RYR2: variants seen among roughly 807,000 people sequenced by gnomAD.
The protein encoded by RYR2 is ryanodine receptor 2, also known as cardiac muscle ryanodine receptor-calcium release channel.
Under a neutral mutation model 601.1 loss-of-function variants are expected in RYR2, and 227 were observed. That is an observed-to-expected ratio of 0.38 (90% CI 0.34 to 0.42). The LOEUF (loss-of-function observed/expected upper bound fraction) is 0.42, where lower values mean the gene tolerates loss of function less well. RYR2 is among the 10% of genes least tolerant of loss of function. The pLI, the probability that RYR2 is intolerant of heterozygous loss-of-function variation, is 1.00. For missense variants in RYR2, 4,646 were observed against 6,156.5 expected, an observed-to-expected ratio of 0.75 and a Z score of 8.21; for synonymous variants, 2,223 against 2,175.1, an observed-to-expected ratio of 1.02 and a Z score of -0.61.
intron 1 of RYR2, among the ~76,000 whole-genome samples, chr1:237,097,174 A>G (rs1284309287): frequency 6.6e-6 from 1 of 152,178 alleles, no homozygotes. Context: ...GATCCAAACT[A>G]TGTCCCTTTG....
At chr1:237,509,326 T>C (rs1474440830) in intron 23 of RYR2, among the ~76,000 whole-genome samples, 1 of 152,238 alleles carries the variant, frequency 6.6e-6, no homozygotes, top group Non-Finnish European at 1.5e-5. Context: ...CTTGACCTTG[T>C]GATGTCAATT....
chr1:237,601,948 T>G, intron 34 of RYR2, 77 bp from the exon 35 acceptor site: 2 of 1,203,894 alleles, frequency 1.7e-6, no homozygotes, highest in African/African-American at 1.5e-5. Flanking sequence ...AAGTATTCCT[T>G]TGTTGTTATA....
chr1:237,794,054 TTTGG>T (rs1658790582), intron 95 of RYR2, 57 bp downstream of exon 95: 32 of 1,499,838 alleles, frequency 2.1e-5, no homozygotes, highest in Non-Finnish European at 2.9e-5. Flanking sequence ...CATGAAAATA[TTTGG>T]TTGGAGTTCC....
At chr1:237,824,622 A>G (rs1373840728) in intron 101 of RYR2, among the ~76,000 whole-genome samples, 2 of 152,188 alleles carry the variant, frequency 1.3e-5, no homozygotes, top group African/African-American at 4.8e-5. Flanking sequence ...CTGGCACAAG[A>G]CAAGAATGCC....
chr1:237,465,807 C>A (rs1660025421), intron 16 of RYR2, among the ~76,000 whole-genome samples: 1 of 152,190 alleles, frequency 6.6e-6, no homozygotes, highest in Non-Finnish European at 1.5e-5. Context: ...ATACTGAATA[C>A]TGTAAGCAAT....
chr1:237,359,165 A>C (rs1223914415), intron 4 of RYR2, among the ~76,000 whole-genome samples: 2 of 152,178 alleles, frequency 1.3e-5, no homozygotes, highest in Admixed American at 6.5e-5. Flanking sequence ...AGCCTCCCTT[A>C]AACGGGCTGA....
intron 91 of RYR2, among the ~76,000 whole-genome samples, chr1:237,787,597 C>CAAAAAAAA (rs778668137): frequency 1.5e-4 from 9 of 60,356 alleles, no homozygotes; most frequent in African/African-American, 1.8e-4. Flanking sequence ...GTCTCAAAAA[C>CAAAAAAAA]AAAAAAAAAA....
chr1:237,094,588 T>TA lies in RYR2; in HGVS notation c.48+52019_48+52020insA, dbSNP rs1368546567. Among the ~76,000 whole-genome samples, 7 of 151,856 alleles carry TA rather than the reference T, an allele frequency of 4.6e-5. No individual in the cohort carries two copies. In the East Asian group the frequency reaches 5.8e-4, roughly 13 times the overall value. The stretch of plus-strand genomic sequence containing the variant: ...TCTTTATAAATATTATTATTATTAT[T>TA]TTTTGAGACGGAGTCTCGCTCTGTC... On this transcript the variant is annotated intron_variant, in intron 1 of 104. Coordinates refer to ENST00000366574, the MANE Select transcript of RYR2 (RefSeq NM_001035.3).
chr1:237,352,868 G>C (rs1191176162), intron 3 of RYR2: 1 of 515,556 alleles, frequency 1.9e-6, no homozygotes, highest in Non-Finnish European at 3.9e-6. Context: ...AGGTATACAA[G>C]GGTGGGTGAG....
chr1:237,353,210 TA>T (rs68141967), intron 3 of RYR2, among the ~76,000 whole-genome samples: 1 of 152,160 alleles, frequency 6.6e-6, no homozygotes, highest in East Asian at 1.9e-4. Context: ...AAACTTTTTT[TA>T]AAAAAGTTTA....
Position 237,387,998 on chromosome 1 carries a change from C to T in RYR2, c.677-89C>T, listed in dbSNP as rs546595506. On this transcript the variant is annotated intron_variant, in intron 9 of 104. Coordinates refer to ENST00000366574, the MANE Select transcript of RYR2 (RefSeq NM_001035.3). ...GACTCACTAGACTTCAGTTTCTTTA[C>T]GAAAGTAGAAGATTGGACCAGATGA... 518 of 1,217,732 alleles carry T rather than the reference C, an allele frequency of 4.3e-4. 2 individuals carry two copies. Among genetic ancestry groups the T allele is most frequent in the Middle Eastern group, 1.2e-3 (5 of 4,140 alleles). 75.4% of individuals were successfully genotyped at this position (1,217,732 alleles called of 1,614,324 possible). A position where few individuals can be genotyped will look rare whatever the true frequency, so the allele number is the denominator to read the frequency against.
intron 1 of RYR2, among the ~76,000 whole-genome samples, chr1:237,054,390 G>A (rs114392804): frequency 0.095 from 12,808 of 135,470 alleles, 725 homozygotes; most frequent in Admixed American, 0.15. Context: ...TGGATTATAA[G>A]GAATGATTTA....
At chr1:237,825,352 A>G (rs908516099) in intron 101 of RYR2, among the ~76,000 whole-genome samples, 5 of 152,208 alleles carry the variant, frequency 3.3e-5, no homozygotes, top group Non-Finnish European at 7.3e-5. Context: ...GGCCTCAGAA[A>G]TAACACCACA....
chr1:237,481,664 T>C (rs1477908099), intron 17 of RYR2, among the ~76,000 whole-genome samples: 1 of 152,168 alleles, frequency 6.6e-6, no homozygotes, highest in East Asian at 1.9e-4. Context: ...TTATCACTCA[T>C]TGGCAGTTTA....
intron 10 of RYR2, among the ~76,000 whole-genome samples, chr1:237,398,553 G>C (rs1245536706): frequency 6.6e-6 from 1 of 152,168 alleles, no homozygotes; most frequent in Non-Finnish European, 1.5e-5. Context: ...AGACCACAAT[G>C]AGATAACACT....
chr1:237,344,793 A>G (rs1442039083), intron 3 of RYR2, among the ~76,000 whole-genome samples: 1 of 152,048 alleles, frequency 6.6e-6, no homozygotes, highest in Non-Finnish European at 1.5e-5. Flanking sequence ...GTAGCTTTAT[A>G]GTAAGTCTTT....
At chr1:237,786,114 A>T in intron 91 of RYR2, 78 bp downstream of exon 91, 1 of 891,186 alleles carries the variant, frequency 1.1e-6, no homozygotes, top group Admixed American at 2.2e-5. Context: ...TGTCTTTGGG[A>T]GCTGCAAGGG....
chr1:237,732,850 G>T (rs1233338966), intron 78 of RYR2, among the ~76,000 whole-genome samples: 1 of 152,148 alleles, frequency 6.6e-6, no homozygotes, highest in Admixed American at 6.6e-5. Context: ...AAGAAAGCCT[G>T]TTTTGCCCCC....
At chr1:237,168,440 C>A (rs1348590847) in intron 1 of RYR2, among the ~76,000 whole-genome samples, 6 of 152,090 alleles carry the variant, frequency 3.9e-5, no homozygotes, top group African/African-American at 1.4e-4. Context: ...TTTCTATCTT[C>A]TCATAACTCT....
Sources: gnomAD v4.1 joint callset for allele counts (sites outside exome capture counted in the v4.1 genomes callset) on GRCh38, gnomAD v4.1.1 for gene constraint, MANE v1.5 for transcripts, NCBI Gene and HGNC (gene_info 2026-07-23, HGNC 2026-07-21) for gene names.